The following MYO3A variants were observed in gnomAD, a reference collection of about 807,000 sequenced individuals.
MYO3A encodes the protein myosin-IIIa.
Under a neutral mutation model 192.7 loss-of-function variants are expected in MYO3A, and 180 were observed. That is an observed-to-expected ratio of 0.93 (90% confidence interval 0.83 to 1.06). The LOEUF (loss-of-function observed/expected upper bound fraction) is 1.06, where lower values mean the gene tolerates loss of function less well. Ranked by LOEUF, MYO3A falls within the 50% of genes least tolerant of loss-of-function variation. The probability of loss-of-function intolerance (pLI) is 0.00; values close to 1 mark genes in which losing one functional copy is unlikely to be tolerated. For synonymous variants in MYO3A, 628 were observed against 645.3 expected (o/e 0.97, Z 0.41); for missense variants, 1,896 against 1,905.0 (o/e 1.00, Z 0.09).
rs58905708 is a variant in MYO3A at position 25,943,768 on chromosome 10, TTGTGTG to T, written c.-18+7969_-18+7974del. Among the ~76,000 whole-genome samples, 258 of 142,682 alleles carry T rather than the reference TTGTGTG, an allele frequency of 1.8e-3. 1 individual carries two copies. The highest frequency in any genetic ancestry group is 2.2e-3 in the Non-Finnish European group (145 of 65,160). 93.6% of individuals were successfully genotyped at this position (142,682 alleles called of 152,430 possible). A position where few individuals can be genotyped will look rare whatever the true frequency, so the allele number is the denominator to read the frequency against. Reference sequence around the variant, plus strand: ...TGAATTCATTAATTAGTTCTAACATTTGTGTGTGTGTGTGTGTGTGTGTGTGTGTGT... The same window carrying T: ...TGAATTCATTAATTAGTTCTAACATTTGTGTGTGTGTGTGTGTGTGTGTGT... On this transcript the variant is annotated intron_variant, in intron 2 of 34. Transcript: ENST00000642920.
intron 14 of MYO3A, among the ~76,000 whole-genome samples, chr10:26,074,123 T>C (rs1835383877): frequency 6.6e-6 from 1 of 152,164 alleles, no homozygotes; most frequent in African/African-American, 2.4e-5. Flanking sequence ...CCTGTAAAAA[T>C]TTTTATTATG....
At chr10:25,986,354 A>G (rs1248476580) in intron 4 of MYO3A, among the ~76,000 whole-genome samples, 1 of 152,224 alleles carries the variant, frequency 6.6e-6, no homozygotes, top group African/African-American at 2.4e-5. Context: ...ATTCCTTGCC[A>G]GAGCAATCAG....
chr10:26,108,571 C>T (rs1038296645), intron 17 of MYO3A, among the ~76,000 whole-genome samples: 9 of 152,124 alleles, frequency 5.9e-5, no homozygotes, highest in East Asian at 1.9e-4. Flanking sequence ...CTGTTGACTC[C>T]CTTCTAAAAT....
chr10:26,168,999 T>C, intron 28 of MYO3A, 125 bp downstream of exon 28: 1 of 904,752 alleles, frequency 1.1e-6, no homozygotes, highest in Non-Finnish European at 1.7e-6. Flanking sequence ...TTGATACTTT[T>C]GCTATATTAA....
At chr10:26,174,896 T>C (rs1842243077) in intron 30 of MYO3A, among the ~76,000 whole-genome samples, 1 of 152,138 alleles carries the variant, frequency 6.6e-6, no homozygotes. Flanking sequence ...AAAAAGTCGT[T>C]TTAAGTTTTC....
chr10:26,183,922 C>T (rs1842739466), intron 31 of MYO3A, among the ~76,000 whole-genome samples: 1 of 152,076 alleles, frequency 6.6e-6, no homozygotes, highest in South Asian at 2.1e-4. Flanking sequence ...AGGTCAAATC[C>T]AGGGCAAGCA....
At chr10:26,210,549 A>C (rs373091199) in intron 34 of MYO3A, among the ~76,000 whole-genome samples, 13 of 152,314 alleles carry the variant, frequency 8.5e-5, no homozygotes, top group African/African-American at 3.1e-4. Context: ...TGCTTGGATT[A>C]CTACAGAATC....
At chr10:26,097,530 TC>T (rs1588949533) in intron 17 of MYO3A, among the ~76,000 whole-genome samples, 1 of 150,310 alleles carries the variant, frequency 6.7e-6, no homozygotes, top group African/African-American at 2.4e-5. Flanking sequence ...ATGCTATCCC[TC>T]CCCCCTGCCC....
intron 10 of MYO3A, among the ~76,000 whole-genome samples, chr10:26,048,597 G>T (rs1521037): frequency 0.16 from 24,734 of 151,982 alleles, 2,310 homozygotes; most frequent in Non-Finnish European, 0.21. Context: ...AAGCCTGACA[G>T]CACCTGGGCA....
At chr10:25,993,273 C>G (rs1268033060) in intron 4 of MYO3A, among the ~76,000 whole-genome samples, 1 of 152,146 alleles carries the variant, frequency 6.6e-6, no homozygotes, top group African/African-American at 2.4e-5. Context: ...TCCATTTAAT[C>G]TAGATTTTCT....
At chr10:26,078,130 C>CTTTTTTTTTTTTTTTTTTTT (rs57336459) in intron 14 of MYO3A, among the ~76,000 whole-genome samples, 3 of 122,296 alleles carry the variant, frequency 2.5e-5, no homozygotes, top group African/African-American at 3.1e-5. Flanking sequence ...TGGTCCTGGA[C>CTTTTTTTTTTTTTTTTTTTT]TTTTTTTTTT....
At position 26,006,834 on chromosome 10, in the gene MYO3A, C is replaced by T. The variant is rs1841248644; in HGVS notation, c.508+9576C>T. ...GGAACTGGTACCATTCCTTCTGAAA[C>T]TATTCCAATGAATAGAAAAAGAGGG... On this transcript the variant is annotated intron_variant, in intron 6 of 34. Coordinates refer to ENST00000642920, the MANE Select transcript of MYO3A (RefSeq NM_017433.5). Among the ~76,000 whole-genome samples the T allele has an allele frequency of 6.6e-5, 10 of 151,738 alleles. No homozygotes were observed. In the South Asian group the frequency reaches 2.1e-3, roughly 32 times the overall value.
intron 6 of MYO3A, among the ~76,000 whole-genome samples, chr10:26,013,681 G>A (rs540811309): frequency 1.3e-5 from 2 of 152,048 alleles, no homozygotes; most frequent in Admixed American, 1.3e-4. Flanking sequence ...ATGTAAATTA[G>A]TACAACCTCT....
chr10:26,055,788 A>AGG (rs1844278772), intron 10 of MYO3A, among the ~76,000 whole-genome samples: 7 of 152,166 alleles, frequency 4.6e-5, no homozygotes, highest in Non-Finnish European at 2.9e-5. Flanking sequence ...GGCACTTGTG[A>AGG]AGATCACAGT....
At chr10:26,019,688 T>G (rs1842200989) in intron 7 of MYO3A, among the ~76,000 whole-genome samples, 1 of 152,224 alleles carries the variant, frequency 6.6e-6, no homozygotes, top group Non-Finnish European at 1.5e-5. Flanking sequence ...GTGTAATGTT[T>G]TCAGGGTTCA....
At chr10:25,970,604 T>C (rs1838577056) in intron 4 of MYO3A, among the ~76,000 whole-genome samples, 1 of 151,888 alleles carries the variant, frequency 6.6e-6, no homozygotes, top group South Asian at 2.1e-4. Flanking sequence ...TAGAAATCAC[T>C]TTAGTAAAAA....
At chr10:25,937,125 G>C (rs1336616910) in intron 2 of MYO3A, among the ~76,000 whole-genome samples, 1 of 151,968 alleles carries the variant, frequency 6.6e-6, no homozygotes, top group African/African-American at 2.4e-5. Context: ...AGTAAATTTT[G>C]TGTAAGTTCC....
rs115925625 is a variant in MYO3A, at chr10:26,034,172, A to G, written c.953+7640A>G. ...CATTTTGCTTGTTCCCAGTATGACC[A>G]TTTTCTCATATGTTTCTTTTTAACT... On this transcript the variant is annotated intron_variant, in intron 10 of 34. Coordinates refer to ENST00000642920, the MANE Select transcript of MYO3A (RefSeq NM_017433.5). 8.7e-3 allele frequency among the ~76,000 whole-genome samples: 1,319 copies of G among 152,276 alleles called. 16 individuals are homozygous for G. The highest frequency in any genetic ancestry group is 0.029 in the African/African-American group (1,200 of 41,534).
chr10:26,161,086 A>T (rs977623174), intron 26 of MYO3A, among the ~76,000 whole-genome samples: 1 of 152,250 alleles, frequency 6.6e-6, no homozygotes, highest in Non-Finnish European at 1.5e-5. Flanking sequence ...TAGAGAACAC[A>T]TGAATAGCTG....
Sources: allele counts gnomAD v4.1 joint callset (sites outside exome capture counted in the v4.1 genomes callset), GRCh38; gene constraint gnomAD v4.1.1; transcripts MANE v1.5; gene names NCBI Gene and HGNC (gene_info 2026-07-23, HGNC 2026-07-21).